The following ACE variants were observed in gnomAD, a reference collection of about 807,000 sequenced individuals.
ACE encodes angiotensin I converting enzyme, also known as angiotensin-converting enzyme.
In ACE, 122 loss-of-function variants were observed where a neutral mutation model predicts 162.3. The observed-to-expected ratio is 0.75, with a 90% CI of 0.65 to 0.87. ACE has a LOEUF of 0.87. Ranked by LOEUF, ACE falls within the 40% of genes least tolerant of loss-of-function variation. The pLI, the probability that ACE is intolerant of heterozygous loss-of-function variation, is 0.00. For missense variants in ACE, 1,799 were observed against 1,735.1 expected, an observed-to-expected ratio of 1.04 and a Z score of -0.65; for synonymous variants, 796 against 720.6, an observed-to-expected ratio of 1.10 and a Z score of -1.68.
chr17:63,479,041 ACTC>A lies in ACE; in HGVS notation c.454_456del (p.Ser152del). ...CTGCTAAGCAACATGAGCAGGATCT[ACTC>A]CACCGCCAAGGTCTGCCTCCCCAAC... On this transcript the variant is annotated inframe_deletion, in exon 3 of 25. Transcript: ENST00000290866. The A allele has an allele frequency of 1.2e-6, 2 of 1,611,908 alleles. No individual in the cohort carries two copies. Among genetic ancestry groups the A allele is most frequent in the Admixed American group, 3.3e-5 (2 of 59,764 alleles).
chr17:63,481,871 T>C, intron 7 of ACE, 133 bp downstream of exon 7: 5 of 1,196,268 alleles, frequency 4.2e-6, no homozygotes, highest in Non-Finnish European at 6.1e-6. Context: ...GGAGGCTGGG[T>C]CTGTTCCAGG....
rs767594429 is a variant in ACE at position 63,491,339 on chromosome 17, G to C, written c.2870G>C (p.Cys957Ser). ...EKPTDGREVV[C>S]HASAWDFYNG... ...CCAACCGACGGGCGGGAGGTGGTCT[G>C]CCACGCCTCGGCCTGGGACTTCTAC... The change falls in exon 19 of 25, where the codon TGC (cysteine) becomes TCC (serine). Residue 957 changes from cysteine to serine, a missense_variant. Transcript: ENST00000290866. This position sits in a 1 kb window ranked among gnomAD's most constrained non-coding sequence, Gnocchi z 4.4. 5 of 1,614,138 alleles carry C rather than the reference G, an allele frequency of 3.1e-6. No homozygotes were observed. The highest frequency in any genetic ancestry group is 4.2e-6 in the Non-Finnish European group (5 of 1,180,028).
At chr17:63,490,097 GCTCTCTCCCTCTT>G (rs1408735714) in intron 17 of ACE, 2 of 152,526 alleles carry the variant, frequency 1.3e-5, no homozygotes, top group Non-Finnish European at 2.9e-5. Context: ...TCTCTCCCTG[GCTCTCTCCCTCTT>G]CTCTCTCATG....
Position 63,484,925 on chromosome 17 carries a change from T to C in ACE, c.1922-311T>C. On this transcript the variant is annotated intron_variant, in intron 12 of 24. Transcript: ENST00000290866. This position sits in a 1 kb window ranked among gnomAD's most constrained non-coding sequence, Gnocchi z 4.0. ...CAGCCTCCTCTTCCTGCTGCTCTGC[T>C]ACGGGCACCCTCTGCTGGTCCCCAG... 6.3e-7 allele frequency: 1 copy of C among 1,596,602 alleles called. No individual in the cohort carries two copies. Among genetic ancestry groups the C allele is most frequent in the East Asian group, 2.3e-5 (1 of 43,950 alleles).
rs569066804 is a variant in ACE at position 63,477,697 on chromosome 17, C to T, written c.250-234C>T. The T allele has an allele frequency of 2.9e-5, 17 of 580,424 alleles. No individual in the cohort carries two copies. The African/African-American group carries it at 3.2e-4, about 11-fold the overall frequency. 36.0% of individuals were successfully genotyped at this position (580,424 alleles called of 1,614,324 possible). On this transcript the variant is annotated intron_variant, in intron 1 of 24. Coordinates refer to ENST00000290866, the MANE Select transcript of ACE (RefSeq NM_000789.4). The stretch of plus-strand genomic sequence containing the variant: ...CTGCACTGTCCATCCACCCTCCACT[C>T]GCCCGGCCTCTTTTCTGGTCCCAAT...
chr17:63,486,580 C>T lies in ACE; in HGVS notation c.2082C>T (p.Ala694=). 1 of 1,614,234 alleles carries T rather than the reference C, an allele frequency of 6.2e-7. No homozygotes were observed. The highest frequency in any genetic ancestry group is 8.5e-7 in the Non-Finnish European group (1 of 1,180,046). The change falls in exon 14 of 25, where the codon GCC becomes GCT. Residue 694 remains alanine (A), a synonymous_variant. Coordinates refer to ENST00000290866, the MANE Select transcript of ACE (RefSeq NM_000789.4). ...KILLQKNMQI[A]NHTLKYGTQA... The stretch of plus-strand genomic sequence containing the variant: ...AGCTGCAGAAGAACATGCAAATAGC[C>T]AACCACACCCTGAAGTACGGCACCC...
rs2030800432 is a variant in ACE, at chr17:63,497,081, ACCCTTGCCCTGCCCTGCC to A, written c.3692-54_3692-37del. On this transcript the variant is annotated intron_variant, in intron 24 of 24. Transcript: ENST00000290866. ...ACCTCGGAGCCTGGCCCTGCCCCGC[ACCCTTGCCCTGCCCTGCC>A]CTGCCCTGCCCATGCTGTCTCCTTG... The A allele has an allele frequency of 5.1e-6, 8 of 1,568,998 alleles. No individual in the cohort carries two copies. In the South Asian group the frequency reaches 7.9e-5, roughly 16 times the overall value.
Position 63,477,139 on chromosome 17 carries a change from G to T in ACE, c.45G>T (p.Pro15=). 2 of 1,431,684 alleles carry T rather than the reference G, an allele frequency of 1.4e-6. No individual in the cohort carries two copies. Among genetic ancestry groups the T allele is most frequent in the Non-Finnish European group, 1.8e-6 (2 of 1,092,622 alleles). 88.7% of individuals were successfully genotyped at this position (1,431,684 alleles called of 1,614,324 possible). ...GCCGGGGGCCGGGGCTGCTGCTGCC[G>T]CTGCCGCTGCTGTTGCTGCTGCCGC... ...SGRRGPGLLL[P]LPLLLLLPPQ... Residue 15 remains proline, a synonymous_variant, in exon 1 of 25, where the codon CCG becomes CCT. Coordinates refer to ENST00000290866, the MANE Select transcript of ACE (RefSeq NM_000789.4).
chr17:63,493,759 G>A (rs2030544051), intron 20 of ACE, 100 bp downstream of exon 20: 1 of 1,523,436 alleles, frequency 6.6e-7, no homozygotes, highest in South Asian at 1.2e-5. Flanking sequence ...GGGCAGAGGT[G>A]TGGGGCAGAG....
chr17:63,487,279 CCCCT>C (rs1259013792), intron 15 of ACE, among the ~76,000 whole-genome samples: 1 of 152,138 alleles, frequency 6.6e-6, no homozygotes, highest in Non-Finnish European at 1.5e-5. Context: ...CGATCAGCTG[CCCCT>C]CCCTCAGAAC....
At chr17:63,493,687 G>A in intron 20 of ACE, 28 bp downstream of exon 20, 2 of 1,610,528 alleles carry the variant, frequency 1.2e-6, no homozygotes, top group Non-Finnish European at 1.7e-6. Context: ...GGCCCTGGTG[G>A]GCTGAGGACC....
chr17:63,479,952 T>G, intron 4 of ACE, 40 bp downstream of exon 4: 1 of 1,581,790 alleles, frequency 6.3e-7, no homozygotes, highest in Non-Finnish European at 8.6e-7. Context: ...ACGCCAGGTG[T>G]CCTCTCTCAG....
intron 15 of ACE, among the ~76,000 whole-genome samples, chr17:63,488,361 A>G (rs1340690726): frequency 4.1e-4 from 14 of 34,298 alleles, no homozygotes; most frequent in Non-Finnish European, 6.2e-4. Context: ...CCTGTCTCAG[A>G]AAAAAAAAAA....
intron 8 of ACE, 91 bp from the exon 9 acceptor site, chr17:63,482,938 T>C: frequency 7.1e-7 from 1 of 1,402,848 alleles, no homozygotes; most frequent in Non-Finnish European, 1.0e-6. Flanking sequence ...CTCCCTGGCC[T>C]CACTTTCTGC....
rs2029996374 is a variant in ACE, at chr17:63,487,023, G to C, written c.2255G>C (p.Ser752Thr). 6.2e-7 allele frequency: 1 copy of C among 1,613,906 alleles called. No homozygotes were observed. Among genetic ancestry groups the C allele is most frequent in the East Asian group, 2.2e-5 (1 of 44,870 alleles). ...CTGTTGGATATGGAAACCACCTACA[G>C]CGTGGCCACTGTGTGCCACCCGAAT... Reference protein sequence around the residue: ...KILLDMETTYSVATVCHPNGS... With the variant: ...KILLDMETTYTVATVCHPNGS... The change falls in exon 15 of 25, where the codon AGC becomes ACC. Residue 752 changes from serine to threonine, a missense_variant. Transcript: ENST00000290866.
chr17:63,495,845 C>T (rs1465794257), intron 22 of ACE, among the ~76,000 whole-genome samples: 1 of 152,254 alleles, frequency 6.6e-6, no homozygotes, highest in Non-Finnish European at 1.5e-5. Flanking sequence ...TTGCACCCAG[C>T]ATTCAAAGTG....
Position 63,493,621 on chromosome 17 carries a change from A to C in ACE, c.3098A>C (p.His1033Pro), listed in dbSNP as rs747442787. The change falls in exon 20 of 25, where the codon CAC becomes CCC. Residue 1033 changes from histidine to proline, a missense_variant. Transcript: ENST00000290866. The stretch of plus-strand genomic sequence containing the variant: ...TCAGTGTCTACGCCCAAGCACCTGC[A>C]CAGTCTCAACCTGCTGAGCAGTGAG... ...ALSVSTPKHL[H>P]SLNLLSSEGG... The C allele has an allele frequency of 1.2e-6, 2 of 1,614,144 alleles. No homozygotes were observed. The highest frequency in any genetic ancestry group is 1.7e-6 in the Non-Finnish European group (2 of 1,180,010).
chr17:63,477,310 C>T lies in ACE; in HGVS notation c.216C>T (p.Asp72=), dbSNP rs2049632975. 2.1e-6 allele frequency: 3 copies of T among 1,412,870 alleles called. No individual in the cohort carries two copies. In the South Asian group the frequency reaches 4.5e-5, roughly 21 times the overall value. 87.5% of individuals were successfully genotyped at this position (1,412,870 alleles called of 1,614,324 possible). A position where few individuals can be genotyped will look rare whatever the true frequency, so the allele number is the denominator to read the frequency against. Residue 72 remains aspartate, a synonymous_variant, in exon 1 of 25, where the codon GAC becomes GAT. Transcript: ENST00000290866. The part of the protein sequence containing the change: ...FQSVAASWAH[D]TNITAENARR... ...GCGTGGCCGCCAGCTGGGCGCACGA[C>T]ACCAACATCACCGCGGAGAATGCAA... is the stretch of plus-strand genomic sequence containing the variant.
At chr17:63,485,454 G>A (rs751246427) in intron 13 of ACE, 82 bp downstream of exon 13, 1 of 1,574,078 alleles carries the variant, frequency 6.4e-7, no homozygotes, top group South Asian at 1.1e-5. Flanking sequence ...CAGTGGGGCT[G>A]CCACCACATT....
Sources: allele counts gnomAD v4.1 joint callset (sites outside exome capture counted in the v4.1 genomes callset), GRCh38; gene constraint gnomAD v4.1.1; non-coding constraint Gnocchi (gnomAD v3.1); transcripts MANE v1.5; gene names NCBI Gene and HGNC (gene_info 2026-07-23, HGNC 2026-07-21).